The following CCDC38 variants were observed in gnomAD, a reference collection of about 807,000 sequenced individuals.
CCDC38 encodes the protein coiled-coil domain containing 38.
CCDC38 carries 69 observed loss-of-function variants against 72.8 expected under a neutral mutation model. The ratio of observed to expected loss-of-function variants is 0.95; its 90% confidence interval spans 0.78 to 1.16. The LOEUF is 1.16. Ranked by LOEUF, CCDC38 falls within the 50% of genes most tolerant of loss-of-function variation. The pLI is 0.00. For missense variants in CCDC38, 626 were observed against 638.9 expected (o/e 0.98, Z 0.22); for synonymous variants, 201 against 213.2 (o/e 0.94, Z 0.50).
At chr12:95,893,646 T>A (rs1489045921) in intron 8 of CCDC38, among the ~76,000 whole-genome samples, 1 of 151,888 alleles carries the variant, frequency 6.6e-6, no homozygotes, top group African/African-American at 2.4e-5. Context: ...CACGCCCAGC[T>A]AATATTTTGT....
chr12:95,880,939 G>A (rs2079693307), intron 11 of CCDC38, among the ~76,000 whole-genome samples: 1 of 152,130 alleles, frequency 6.6e-6, no homozygotes, highest in Non-Finnish European at 1.5e-5. Context: ...CTACTGTAAT[G>A]CACACTTAAA....
intron 7 of CCDC38, among the ~76,000 whole-genome samples, chr12:95,895,918 T>C (rs971408415): frequency 6.6e-6 from 1 of 151,336 alleles, no homozygotes; most frequent in African/African-American, 2.4e-5. Context: ...TAGCCAGGCG[T>C]GGTGGCGCAT....
At chr12:95,868,955 A>G (rs2079552308) in intron 15 of CCDC38, among the ~76,000 whole-genome samples, 1 of 152,224 alleles carries the variant, frequency 6.6e-6, no homozygotes, top group Non-Finnish European at 1.5e-5. Flanking sequence ...CCCCACAGTT[A>G]CATGCGATTC....
Position 95,879,553 on chromosome 12 carries a change from C to A in CCDC38, c.1142+91G>T. 1.2e-6 allele frequency: 1 copy of A among 861,304 alleles called. No homozygotes were observed. Among genetic ancestry groups the A allele is most frequent in the South Asian group, 1.9e-5 (1 of 52,858 alleles). 53.4% of individuals were successfully genotyped at this position (861,304 alleles called of 1,614,324 possible). On this transcript the variant is annotated intron_variant, in intron 12 of 15. Transcript: ENST00000344280. The surrounding 1 kb of genome is among the most constrained non-coding windows in gnomAD (Gnocchi z 5.5). ...AACCCCAGCCTACATTCACAGAGAC[C>A]ACGAGGAAGAGCCACATGTGAGTGA...
intron 4 of CCDC38, among the ~76,000 whole-genome samples, chr12:95,915,483 T>C (rs2080135181): frequency 6.6e-6 from 1 of 152,220 alleles, no homozygotes; most frequent in African/African-American, 2.4e-5. Context: ...TGACACTTAG[T>C]TGTGCATGTG....
At position 95,941,865 on chromosome 12, in the gene CCDC38, C is replaced by T. The variant is rs553907406; in HGVS notation, c.-15+566G>A. Among the ~76,000 whole-genome samples, 9 of 151,576 alleles carry T rather than the reference C, an allele frequency of 5.9e-5. No individual in the cohort carries two copies. In the South Asian group the frequency reaches 1.9e-3, roughly 32 times the overall value. ...TAATCTTCTGATGCCCCCTCCCCCCCACCCTTAGGGTCTCTTTCACTCACA... is the reference window on the plus strand; with the variant it reads ...TAATCTTCTGATGCCCCCTCCCCCCTACCCTTAGGGTCTCTTTCACTCACA... On this transcript the variant is annotated intron_variant, in intron 1 of 15. Transcript: ENST00000344280.
At chr12:95,922,426 G>C (rs1029495405) in intron 2 of CCDC38, among the ~76,000 whole-genome samples, 2 of 152,212 alleles carry the variant, frequency 1.3e-5, no homozygotes, top group Admixed American at 1.3e-4. Flanking sequence ...ATCACCAGTG[G>C]TGGGAGGCAA....
rs201851863 is a variant in CCDC38 at position 95,872,584 on chromosome 12, A to AT, written c.1279-125dup. On this transcript the variant is annotated intron_variant, in intron 13 of 15. Transcript: ENST00000344280. Reference sequence around the variant, plus strand: ...AAATGTTTACATTTTTATTTTTATTATTTTTTTTGAGACGGAGTCTCACTC... The same window carrying AT: ...AAATGTTTACATTTTTATTTTTATTATTTTTTTTTGAGACGGAGTCTCACTC... The AT allele has an allele frequency of 1.4e-3, 981 of 693,462 alleles. 2 individuals carry two copies. The highest frequency in any genetic ancestry group is 0.014 in the African/African-American group (768 of 55,412). The allele number at this position is 693,462 out of a possible 1,614,324, so 43.0% of individuals were successfully genotyped here.
At chr12:95,906,325 A>G in intron 5 of CCDC38, 62 bp downstream of exon 5, 2 of 1,184,582 alleles carry the variant, frequency 1.7e-6, no homozygotes, top group South Asian at 2.6e-5. Flanking sequence ...CAAGGTAAAT[A>G]TTTGAAAACA....
chr12:95,914,834 C>T (rs1031577190), intron 4 of CCDC38, among the ~76,000 whole-genome samples: 1 of 151,880 alleles, frequency 6.6e-6, no homozygotes, highest in Non-Finnish European at 1.5e-5. Context: ...GTTCAAGAAA[C>T]GAGGTCAATT....
intron 9 of CCDC38, among the ~76,000 whole-genome samples, chr12:95,890,247 C>T (rs2079809607): frequency 1.3e-5 from 2 of 152,186 alleles, no homozygotes; most frequent in South Asian, 4.1e-4. Context: ...GCCACCAAGC[C>T]AAACAACACC....
At chr12:95,926,442 A>G (rs917259705) in intron 2 of CCDC38, among the ~76,000 whole-genome samples, 2 of 150,752 alleles carry the variant, frequency 1.3e-5, no homozygotes, top group African/African-American at 2.4e-5. Flanking sequence ...TTTCTTCTTT[A>G]TTAGTCTTGC....
At chr12:95,941,502 A>G (rs2080450289) in intron 1 of CCDC38, among the ~76,000 whole-genome samples, 1 of 152,236 alleles carries the variant, frequency 6.6e-6, no homozygotes, top group African/African-American at 2.4e-5. Flanking sequence ...GAAATTCCCC[A>G]AGGTCAAACA....
chr12:95,925,153 T>C (rs1213960308), intron 2 of CCDC38, among the ~76,000 whole-genome samples: 1 of 152,078 alleles, frequency 6.6e-6, no homozygotes, highest in Non-Finnish European at 1.5e-5. Context: ...TTCACGATAT[T>C]GATTCTTCCT....
intron 4 of CCDC38, among the ~76,000 whole-genome samples, chr12:95,913,807 T>C (rs1373815953): frequency 6.6e-6 from 1 of 152,164 alleles, no homozygotes; most frequent in Non-Finnish European, 1.5e-5. Flanking sequence ...TAATCATTAA[T>C]AAATGTTAAT....
chr12:95,940,490 A>T (rs1205494606), intron 1 of CCDC38, among the ~76,000 whole-genome samples: 1 of 152,208 alleles, frequency 6.6e-6, no homozygotes, highest in African/African-American at 2.4e-5. Flanking sequence ...TTTCCAGATG[A>T]TCTCAATGTG....
At chr12:95,895,411 T>A (rs966190564) in intron 7 of CCDC38, among the ~76,000 whole-genome samples, 1 of 151,638 alleles carries the variant, frequency 6.6e-6, no homozygotes, top group African/African-American at 2.4e-5. Flanking sequence ...TGTTTATTAT[T>A]CTGTAGGAAA....
Position 95,939,793 on chromosome 12 carries a change from T to A in CCDC38, c.-15+2638A>T, listed in dbSNP as rs146288690. 4.6e-5 allele frequency among the ~76,000 whole-genome samples: 7 copies of A among 152,338 alleles called. No individual in the cohort carries two copies. In the East Asian group the frequency reaches 1.3e-3, roughly 29 times the overall value. ...TGATTTAATTAATTGTTGTGTTCCT[T>A]TAATAGCTGTACAATTATATGTGGT... On this transcript the variant is annotated intron_variant, in intron 1 of 15. Coordinates refer to ENST00000344280, the MANE Select transcript of CCDC38 (RefSeq NM_182496.3).
At chr12:95,911,407 G>A (rs113643876) in intron 4 of CCDC38, among the ~76,000 whole-genome samples, 21 of 152,056 alleles carry the variant, frequency 1.4e-4, no homozygotes, top group East Asian at 3.8e-4. Flanking sequence ...GAGCTTCTGC[G>A]CAGCAAAAAA....
Sources: allele counts gnomAD v4.1 joint callset (sites outside exome capture counted in the v4.1 genomes callset), GRCh38; gene constraint gnomAD v4.1.1; non-coding constraint Gnocchi (gnomAD v3.1); transcripts MANE v1.5; gene names NCBI Gene and HGNC (gene_info 2026-07-23, HGNC 2026-07-21).